Variants in KPNA4 observed in about 807,000 individuals in gnomAD.
KPNA4 encodes karyopherin subunit alpha 4, also known as importin subunit alpha-3.
A neutral mutation model predicts 71.3 loss-of-function variants in KPNA4; 13 were observed. The observed-to-expected ratio is 0.18, with a 90% CI of 0.12 to 0.29. The LOEUF (loss-of-function observed/expected upper bound fraction) is 0.29. Among genes scored for constraint, KPNA4 ranks in the 10% least tolerant of loss-of-function variants. The pLI, the probability that KPNA4 is intolerant of heterozygous loss-of-function variation, is 1.00. For synonymous variants in KPNA4, 189 were observed against 195.2 expected (o/e 0.97, Z 0.26); for missense variants, 334 against 603.2 (o/e 0.55, Z 4.67).
chr3:160,533,118 G>C (rs948216660), intron 5 of KPNA4, among the ~76,000 whole-genome samples: 1 of 152,060 alleles, frequency 6.6e-6, no homozygotes, highest in African/African-American at 2.4e-5. Context: ...CTGCTTCCCA[G>C]GTTCGAGCAA....
At chr3:160,509,996 C>A in intron 13 of KPNA4, 125 bp from the exon 14 acceptor site, 1 of 674,846 alleles carries the variant, frequency 1.5e-6, no homozygotes, top group Non-Finnish European at 2.6e-6. Context: ...CTGTATATAT[C>A]ATTTTTTCTT....
chr3:160,523,627 A>C (rs1162216856), intron 10 of KPNA4, among the ~76,000 whole-genome samples: 1 of 152,066 alleles, frequency 6.6e-6, no homozygotes, highest in Non-Finnish European at 1.5e-5. Context: ...AGGTGGGTGG[A>C]TCACGAGGTC....
chr3:160,531,296 C>T (rs1721569526), intron 6 of KPNA4, among the ~76,000 whole-genome samples, 166 bp downstream of exon 6: 1 of 152,152 alleles, frequency 6.6e-6, no homozygotes, highest in Non-Finnish European at 1.5e-5. Context: ...CTACTACCTT[C>T]ATCTCTTGGT....
chr3:160,527,174 A>G lies in KPNA4; in HGVS notation c.556+779T>C, dbSNP rs553112648. The stretch of plus-strand genomic sequence containing the variant: ...CTAGATTAGCAATACCCCTACAAAC[A>G]GTACCTCAGCCCCCACTCATAACTG... On this transcript the variant is annotated intron_variant, in intron 8 of 16. Coordinates refer to ENST00000334256, the MANE Select transcript of KPNA4 (RefSeq NM_002268.5). Among the ~76,000 whole-genome samples the G allele has an allele frequency of 2.6e-5, 4 of 152,326 alleles. No individual in the cohort carries two copies. In the South Asian group the frequency reaches 6.2e-4, roughly 24 times the overall value.
chr3:160,502,738 G>T (rs1453518045), intron 16 of KPNA4, among the ~76,000 whole-genome samples: 1 of 152,114 alleles, frequency 6.6e-6, no homozygotes, highest in Non-Finnish European at 1.5e-5. Flanking sequence ...TTTTCCAAAA[G>T]AATGAAGGAA....
intron 10 of KPNA4, among the ~76,000 whole-genome samples, chr3:160,522,586 T>C (rs894979177): frequency 1.3e-5 from 2 of 152,068 alleles, no homozygotes; most frequent in African/African-American, 4.8e-5. Flanking sequence ...GCCTCCCGAG[T>C]AGCTGGGACT....
intron 11 of KPNA4, among the ~76,000 whole-genome samples, chr3:160,519,751 T>C (rs917058638): frequency 7.2e-6 from 1 of 139,458 alleles, no homozygotes; most frequent in Non-Finnish European, 1.5e-5. Flanking sequence ...GCCGAGATTG[T>C]GCCACTGCAG....
chr3:160,516,528 C>G (rs1010891750), intron 11 of KPNA4, among the ~76,000 whole-genome samples: 1 of 151,838 alleles, frequency 6.6e-6, no homozygotes, highest in Non-Finnish European at 1.5e-5. Context: ...GCCTGTAATT[C>G]CAGCACTTTG....
At position 160,531,483 on chromosome 3, in the gene KPNA4, T is replaced by C; in HGVS notation, c.362A>G (p.His121Arg). ...TCACTTGTCATCTCTTTCAAGACAA[T>C]GGACTAAAATGGGCAATATTCCAGA... ...IKSGILPILVHCLERDDNPSL... is the reference protein window; with the variant it reads ...IKSGILPILVRCLERDDNPSL... The change falls in exon 6 of 17, where the codon CAT becomes CGT. Residue 121 changes from histidine to arginine, a missense_variant. Transcript: ENST00000334256. The C allele has an allele frequency of 2.5e-6, 4 of 1,570,234 alleles. No individual in the cohort carries two copies. The highest frequency in any genetic ancestry group is 3.5e-6 in the Non-Finnish European group (4 of 1,157,260).
intron 8 of KPNA4, among the ~76,000 whole-genome samples, chr3:160,527,096 C>T (rs566045023): frequency 7.2e-5 from 11 of 152,226 alleles, no homozygotes; most frequent in African/African-American, 2.6e-4. Flanking sequence ...TGATTATTTC[C>T]ATGCAAGAAT....
chr3:160,552,523 T>C (rs1722060832), intron 1 of KPNA4, among the ~76,000 whole-genome samples: 2 of 152,142 alleles, frequency 1.3e-5, no homozygotes, highest in Non-Finnish European at 2.9e-5. Flanking sequence ...GTGTACAAAA[T>C]AGGTAAGTTT....
chr3:160,554,570 G>A (rs2108560685), intron 1 of KPNA4, among the ~76,000 whole-genome samples: 1 of 152,224 alleles, frequency 6.6e-6, no homozygotes, highest in Non-Finnish European at 1.5e-5. Context: ...TGACTCGGGG[G>A]GGCCCTAGAT....
chr3:160,514,174 A>T lies in KPNA4; in HGVS notation c.1040T>A (p.Val347Glu). The change falls in exon 13 of 17, where the codon GTG becomes GAG. Residue 347 changes from valine (V) to glutamate (E), a missense_variant. Physicochemically the swap from Val to Glu is moderately radical, Grantham distance 121. Transcript: ENST00000334256. The part of the protein sequence containing the change: ...HPKEKINKEA[V>E]WFLSNITAGN... Reference sequence around the variant, plus strand: ...TGCAGTGATGTTGGAGAGGAACCACACTGCTTCCTGTAGAACAAGAGCATT... The same window carrying T: ...TGCAGTGATGTTGGAGAGGAACCACTCTGCTTCCTGTAGAACAAGAGCATT... 6.3e-7 allele frequency: 1 copy of T among 1,591,728 alleles called. No homozygotes were observed. The highest frequency in any genetic ancestry group is 8.5e-7 in the Non-Finnish European group (1 of 1,172,284).
At chr3:160,557,979 G>C (rs1722173962) in intron 1 of KPNA4, among the ~76,000 whole-genome samples, 1 of 152,122 alleles carries the variant, frequency 6.6e-6, no homozygotes, top group Non-Finnish European at 1.5e-5. Flanking sequence ...ACTGTGCCTG[G>C]GAAAGTTTAG....
Position 160,535,900 on chromosome 3 carries a change from TAAAAAAAAAAAAAA to T in KPNA4, c.115-17_115-4del. The T allele has an allele frequency of 3.1e-6, 1 of 324,050 alleles. No homozygotes were observed. Among genetic ancestry groups the T allele is most frequent in the Non-Finnish European group, 4.0e-6 (1 of 247,806 alleles). 20.1% of individuals were successfully genotyped at this position (324,050 alleles called of 1,614,324 possible). On this transcript the variant is annotated splice_polypyrimidine_tract_variant and splice_region_variant and intron_variant, in intron 2 of 16. Coordinates refer to ENST00000334256, the MANE Select transcript of KPNA4 (RefSeq NM_002268.5). ...AAGAGATGTTCATCTCTTTTATTCT[TAAAAAAAAAAAAAA>T]AAAAAAAAAAACCAAACAGAGAATT...
chr3:160,514,034 C>A, intron 13 of KPNA4, 43 bp downstream of exon 13: 1 of 1,152,256 alleles, frequency 8.7e-7, no homozygotes, highest in Non-Finnish European at 1.2e-6. Context: ...AATCCCCTTC[C>A]CCTTACATCA....
intron 1 of KPNA4, among the ~76,000 whole-genome samples, chr3:160,541,046 C>G (rs886700111): frequency 1.1e-4 from 16 of 152,196 alleles, no homozygotes; most frequent in Admixed American, 1.0e-3. Context: ...TACTATGCAT[C>G]CATCACTGTA....
intron 1 of KPNA4, among the ~76,000 whole-genome samples, chr3:160,541,018 G>A (rs1291557910): frequency 6.6e-6 from 1 of 152,196 alleles, no homozygotes; most frequent in Non-Finnish European, 1.5e-5. Flanking sequence ...AATGCAGTTT[G>A]TGTATTTAAT....
Position 160,497,676 on chromosome 3 carries a change from T to C in KPNA4, c.*4428A>G, listed in dbSNP as rs1720793674. 1 of 152,186 alleles carries C rather than the reference T, an allele frequency of 6.6e-6. No homozygotes were observed. The highest frequency in any genetic ancestry group is 2.4e-5 in the African/African-American group (1 of 41,446). 9.4% of individuals were successfully genotyped at this position (152,186 alleles called of 1,614,324 possible). A position where few individuals can be genotyped will look rare whatever the true frequency, so the allele number is the denominator to read the frequency against. On this transcript the variant is annotated 3_prime_UTR_variant, in exon 17 of 17. Transcript: ENST00000334256. ...TAATATTAAATTATTGGCTGACAGT[T>C]AATGAATTTTGCCAATAAGTAAAAT...
Sources: gnomAD v4.1 joint callset for allele counts (sites outside exome capture counted in the v4.1 genomes callset) on GRCh38, gnomAD v4.1.1 for gene constraint, MANE v1.5 for transcripts, NCBI Gene and HGNC (gene_info 2026-07-23, HGNC 2026-07-21) for gene names.